DLG2: variants seen among roughly 807,000 people sequenced by gnomAD.
The protein encoded by DLG2 is discs large MAGUK scaffold protein 2.
In DLG2, 45 loss-of-function variants were observed where a neutral mutation model predicts 132.5. The observed-to-expected ratio is 0.34, with a 90% CI of 0.27 to 0.44. The LOEUF (loss-of-function observed/expected upper bound fraction) is 0.44. Among genes scored for constraint, DLG2 ranks in the 20% least tolerant of loss-of-function variants. DLG2 has a pLI of 1.00. For synonymous variants in DLG2, 424 were observed against 419.6 expected (o/e 1.01, Z -0.13); for missense variants, 1,045 against 1,196.9 (o/e 0.87, Z 1.87).
At chr11:85,267,514 G>A (rs1013804109) in intron 4 of DLG2, among the ~76,000 whole-genome samples, 3 of 152,060 alleles carry the variant, frequency 2.0e-5, no homozygotes, top group African/African-American at 7.2e-5. Flanking sequence ...AAAAACAAAA[G>A]AGATCCTGAT....
At chr11:84,220,124 T>C (rs1386886948) in intron 8 of DLG2, among the ~76,000 whole-genome samples, 1 of 152,240 alleles carries the variant, frequency 6.6e-6, no homozygotes, top group African/African-American at 2.4e-5. Context: ...GTGTCTCTCT[T>C]TATTTGTATA....
intron 3 of DLG2, among the ~76,000 whole-genome samples, chr11:85,355,076 T>C (rs2152888887): frequency 6.6e-6 from 1 of 152,320 alleles, no homozygotes; most frequent in Admixed American, 6.5e-5. Context: ...TGCCATTTAA[T>C]AAATCAGGCT....
At chr11:84,223,230 T>C (rs1271669507) in intron 8 of DLG2, among the ~76,000 whole-genome samples, 1 of 152,140 alleles carries the variant, frequency 6.6e-6, no homozygotes, top group East Asian at 1.9e-4. Context: ...AGGTAGGAGT[T>C]GAGAGTAGTC....
chr11:85,239,430 T>A (rs903475366), intron 4 of DLG2, among the ~76,000 whole-genome samples: 4 of 152,118 alleles, frequency 2.6e-5, no homozygotes, highest in African/African-American at 9.7e-5. Flanking sequence ...TAGACTAGTA[T>A]CTACATATAC....
intron 6 of DLG2, among the ~76,000 whole-genome samples, chr11:84,538,451 T>A (rs2099360668): frequency 6.6e-6 from 1 of 152,222 alleles, no homozygotes; most frequent in Admixed American, 6.5e-5. Context: ...AGGAGTCATA[T>A]TTGAACCCCA....
chr11:83,972,009 A>C (rs2091433742), intron 12 of DLG2, among the ~76,000 whole-genome samples: 1 of 152,196 alleles, frequency 6.6e-6, no homozygotes, highest in Non-Finnish European at 1.5e-5. Flanking sequence ...CAAAAACTTT[A>C]AGAAAGAACA....
intron 10 of DLG2, among the ~76,000 whole-genome samples, chr11:84,075,281 T>C (rs2096813271): frequency 6.6e-6 from 1 of 152,216 alleles, no homozygotes; most frequent in South Asian, 2.1e-4. Context: ...TTGTTTATTT[T>C]CTGTCCAACA....
intron 7 of DLG2, among the ~76,000 whole-genome samples, chr11:84,280,085 T>A (rs973000673): frequency 6.6e-6 from 1 of 152,162 alleles, no homozygotes; most frequent in Admixed American, 6.5e-5. Flanking sequence ...ATAAAGATGC[T>A]TTTATTACAC....
At chr11:83,613,080 A>C (rs1173041652) in intron 19 of DLG2, among the ~76,000 whole-genome samples, 4 of 152,356 alleles carry the variant, frequency 2.6e-5, no homozygotes, top group Non-Finnish European at 4.4e-5. Context: ...CCAATTGCAG[A>C]GGCCTGGGAT....
intron 6 of DLG2, among the ~76,000 whole-genome samples, chr11:84,566,668 G>C (rs893610894): frequency 5.9e-5 from 9 of 152,192 alleles, no homozygotes; most frequent in African/African-American, 2.2e-4. Flanking sequence ...TAACTGAATT[G>C]ATAACTGATT....
rs1277603167 is a variant in DLG2, at chr11:83,888,864, C to T, written c.1497-14376G>A. 6.6e-5 allele frequency among the ~76,000 whole-genome samples: 10 copies of T among 152,118 alleles called. No individual in the cohort carries two copies. In the East Asian group the frequency reaches 9.6e-4, roughly 15 times the overall value. ...AAAACAAGCAATGGGGAAAGGATTC[C>T]GTATTTAATACATGGTGCTGGGAAA... On this transcript the variant is annotated intron_variant, in intron 15 of 27. Transcript: ENST00000376104.
intron 18 of DLG2, among the ~76,000 whole-genome samples, chr11:83,769,956 G>T (rs947529522): frequency 2.0e-5 from 3 of 152,148 alleles, no homozygotes; most frequent in Non-Finnish European, 4.4e-5. Context: ...CTGGAATGGA[G>T]GGGTGGTGCT....
chr11:85,454,129 A>C (rs2092342565), intron 3 of DLG2, among the ~76,000 whole-genome samples: 1 of 151,084 alleles, frequency 6.6e-6, no homozygotes, highest in East Asian at 1.9e-4. Context: ...AATCCATGGC[A>C]TATATGTACC....
At chr11:85,317,346 C>T (rs2080755670) in intron 3 of DLG2, among the ~76,000 whole-genome samples, 1 of 151,848 alleles carries the variant, frequency 6.6e-6, no homozygotes, top group African/African-American at 2.4e-5. Flanking sequence ...ATGCCAACTT[C>T]TCCAGCTACA....
At chr11:84,312,978 T>A (rs1347092899) in intron 7 of DLG2, among the ~76,000 whole-genome samples, 1 of 151,180 alleles carries the variant, frequency 6.6e-6, no homozygotes, top group Non-Finnish European at 1.5e-5. Context: ...CCCGGCCAAT[T>A]TTTTTGTATT....
intron 3 of DLG2, among the ~76,000 whole-genome samples, chr11:85,351,637 G>T (rs184239979): frequency 6.6e-6 from 1 of 152,086 alleles, no homozygotes; most frequent in Non-Finnish European, 1.5e-5. Flanking sequence ...GAATTTTGTC[G>T]AAGGCCTTTT....
At chr11:85,493,070 C>T (rs1371342936) in intron 3 of DLG2, among the ~76,000 whole-genome samples, 1 of 151,894 alleles carries the variant, frequency 6.6e-6, no homozygotes, top group African/African-American at 2.4e-5. Flanking sequence ...TATTGGCAGG[C>T]TAACTATAAG....
chr11:85,356,797 TAGATAGATA>T, intron 3 of DLG2, among the ~76,000 whole-genome samples: 1 of 150,788 alleles, frequency 6.6e-6, no homozygotes, highest in Non-Finnish European at 1.5e-5. Flanking sequence ...GATAGATAGA[TAGATAGATA>T]GATAGATAGA....
intron 6 of DLG2, among the ~76,000 whole-genome samples, chr11:84,613,489 TGTAAGGTGAAGAAAATAG>T (rs1229129975): frequency 7.2e-5 from 11 of 152,228 alleles, no homozygotes; most frequent in Middle Eastern, 6.8e-3. Context: ...TTTCTTCAAC[TGTAAGGTGAAGAAAATAG>T]TATCTATTAA....
Sources: allele counts gnomAD v4.1 joint callset (sites outside exome capture counted in the v4.1 genomes callset), GRCh38; gene constraint gnomAD v4.1.1; transcripts MANE v1.5; gene names NCBI Gene and HGNC (gene_info 2026-07-23, HGNC 2026-07-21).